ULBP2: variants seen among roughly 807,000 people sequenced by gnomAD.
ULBP2 encodes UL16-binding protein 2.
Under a neutral mutation model 23.6 loss-of-function variants are expected in ULBP2, and 21 were observed. That is an observed-to-expected ratio of 0.89 (90% CI 0.63 to 1.28). The LOEUF (loss-of-function observed/expected upper bound fraction) is 1.28, where lower values mean the gene tolerates loss of function less well. Ranked by LOEUF, ULBP2 falls within the 50% of genes most tolerant of loss-of-function variation. The pLI is 0.00. For missense variants in ULBP2, 251 were observed against 306.0 expected, an observed-to-expected ratio of 0.82 and a Z score of 1.34; for synonymous variants, 82 against 112.8, an observed-to-expected ratio of 0.73 and a Z score of 1.73.
intron 1 of ULBP2, among the ~76,000 whole-genome samples, chr6:149,944,178 T>C (rs1194605235): frequency 6.6e-6 from 1 of 152,120 alleles, no homozygotes; most frequent in African/African-American, 2.4e-5. Context: ...GGCTTCATTC[T>C]GCAAATTAGG....
At chr6:149,948,283 G>A (rs1184917186) in intron 4 of ULBP2, among the ~76,000 whole-genome samples, 2 of 152,174 alleles carry the variant, frequency 1.3e-5, no homozygotes, top group South Asian at 2.1e-4. Context: ...AGAGCAATGG[G>A]TGCTGCTCCC....
chr6:149,946,451 C>T lies in ULBP2; in HGVS notation c.429C>T (p.Phe143=), dbSNP rs780818906. The T allele has an allele frequency of 4.0e-5, 64 of 1,614,116 alleles. No homozygotes were observed. The highest frequency in any genetic ancestry group is 1.8e-4 in the Admixed American group (11 of 60,018). ...GHSSGSWQFS[F]DGQIFLLFDS... ...GCAGTGGATCTTGGCAGTTCAGTTT[C>T]GATGGGCAGATCTTCCTCCTCTTTG... Residue 143 remains phenylalanine, a synonymous_variant, in exon 3 of 5, where the codon TTC becomes TTT. Transcript: ENST00000367351.
At position 149,948,679 on chromosome 6, in the gene ULBP2, C is replaced by A. The variant is rs534290029; in HGVS notation, c.*23-44C>A. On this transcript the variant is annotated intron_variant, in intron 4 of 4. Coordinates refer to ENST00000367351, the MANE Select transcript of ULBP2 (RefSeq NM_025217.4). The stretch of plus-strand genomic sequence containing the variant: ...GAAAGATTACCCTGGAAAAGTGATC[C>A]GGGTTCTCTGCCCCTTAAACCAACA... 2.0e-4 allele frequency: 93 copies of A among 456,544 alleles called. 2 individuals are homozygous for A. The highest frequency in any genetic ancestry group is 1.4e-3 in the South Asian group (92 of 64,568). 28.3% of individuals were successfully genotyped at this position (456,544 alleles called of 1,614,324 possible).
At chr6:149,943,900 T>G (rs941378973) in intron 1 of ULBP2, among the ~76,000 whole-genome samples, 18 of 151,980 alleles carry the variant, frequency 1.2e-4, no homozygotes, top group Admixed American at 9.2e-4. Context: ...ATTGGGCACT[T>G]AAGGTAGGTC....
In ULBP2 at chr6:149,948,774, C is replaced by T; in HGVS notation, c.*74C>T. 2.2e-6 allele frequency: 1 copy of T among 456,754 alleles called. No individual in the cohort carries two copies. Among genetic ancestry groups the T allele is most frequent in the Non-Finnish European group, 4.4e-6 (1 of 226,976 alleles). The allele number at this position is 456,754 out of a possible 1,614,324, so 28.3% of individuals were successfully genotyped here. A position where few individuals can be genotyped will look rare whatever the true frequency, so the allele number is the denominator to read the frequency against. On this transcript the variant is annotated 3_prime_UTR_variant, in exon 5 of 5. Transcript: ENST00000367351. The stretch of plus-strand genomic sequence containing the variant: ...GTGAGCACGGTCTTGATCAAACTCG[C>T]CCTTCTGTCTGGCCAGCTGCCCACG...
chr6:149,948,462 G>A (rs543338859), intron 4 of ULBP2, among the ~76,000 whole-genome samples: 3 of 152,060 alleles, frequency 2.0e-5, no homozygotes, highest in African/African-American at 4.8e-5. Context: ...GTGAGGGCGC[G>A]GACCCATCAC....
chr6:149,943,657 C>A (rs1165678305), intron 1 of ULBP2, among the ~76,000 whole-genome samples: 1 of 152,200 alleles, frequency 6.6e-6, no homozygotes, highest in Non-Finnish European at 1.5e-5. Flanking sequence ...ATAGGCATCC[C>A]TAAGCTTCAT....
chr6:149,948,293 C>T (rs1778973867), intron 4 of ULBP2, among the ~76,000 whole-genome samples: 1 of 152,150 alleles, frequency 6.6e-6, no homozygotes, highest in South Asian at 2.1e-4. Flanking sequence ...GTGCTGCTCC[C>T]AGTGTGAGGA....
At chr6:149,946,772 C>T in intron 3 of ULBP2, 119 bp downstream of exon 3, 2 of 1,520,038 alleles carry the variant, frequency 1.3e-6, no homozygotes, top group East Asian at 2.3e-5. Context: ...AAAATGACCT[C>T]CTCGTGGGGC....
Position 149,946,593 on chromosome 6 carries a change from A to G in ULBP2, c.571A>G (p.Ile191Val). The change falls in exon 3 of 5, where the codon ATA becomes GTA. Residue 191 changes from isoleucine to valine, a missense_variant. Transcript: ENST00000367351. ...SFHYFSMGDC[I>V]GWLEDFLMGM... ...CCATTACTTCTCAATGGGAGACTGT[A>G]TAGGATGGCTTGAGGACTTCTTGAT... 1.2e-6 allele frequency: 2 copies of G among 1,614,194 alleles called. No homozygotes were observed. Among genetic ancestry groups the G allele is most frequent in the Non-Finnish European group, 1.7e-6 (2 of 1,180,028 alleles).
In ULBP2 at chr6:149,948,986, A is replaced by G. The variant is rs1320272820; in HGVS notation, c.*286A>G. On this transcript the variant is annotated 3_prime_UTR_variant, in exon 5 of 5. Coordinates refer to ENST00000367351, the MANE Select transcript of ULBP2 (RefSeq NM_025217.4). ...TTAAAGTTCTGGCTGACTAAACAAG[A>G]TATATCATTTTCTTTCTTCTCTTTT... The G allele has an allele frequency of 1.3e-5, 3 of 239,952 alleles. No homozygotes were observed. Among genetic ancestry groups the G allele is most frequent in the East Asian group, 1.2e-4 (1 of 8,036 alleles). The allele number at this position is 239,952 out of a possible 1,614,324, so 14.9% of individuals were successfully genotyped here.
At chr6:149,948,222 C>T (rs935739297) in intron 4 of ULBP2, among the ~76,000 whole-genome samples, 4 of 152,050 alleles carry the variant, frequency 2.6e-5, no homozygotes, top group Non-Finnish European at 5.9e-5. Context: ...TCCACAGGCA[C>T]CACTGGGCTG....
At chr6:149,945,940 C>CAAA (rs57354290) in intron 2 of ULBP2, among the ~76,000 whole-genome samples, 1,328 of 72,610 alleles carry the variant, frequency 0.018, 53 homozygotes, top group Admixed American at 0.045. Flanking sequence ...GACTTTGTCT[C>CAAA]AAAAAAAAAA....
chr6:149,945,138 G>A (rs1778915133), intron 1 of ULBP2, among the ~76,000 whole-genome samples, 171 bp from the exon 2 acceptor site: 1 of 150,992 alleles, frequency 6.6e-6, no homozygotes, highest in Non-Finnish European at 1.5e-5. Flanking sequence ...TTGTCCTCAT[G>A]CAAGGGGCGA....
At position 149,949,045 on chromosome 6, in the gene ULBP2, A is replaced by C. The variant is rs940623451; in HGVS notation, c.*345A>C. 5.3e-6 allele frequency: 1 copy of C among 189,140 alleles called. No homozygotes were observed. Among genetic ancestry groups the C allele is most frequent in the African/African-American group, 2.4e-5 (1 of 42,046 alleles). The allele number at this position is 189,140 out of a possible 1,614,324, so 11.7% of individuals were successfully genotyped here. ...AAATCAAGTACTTCTTTGAATGATG[A>C]TCTCTTTCTTGCAAATGATATTGTC... On this transcript the variant is annotated 3_prime_UTR_variant, in exon 5 of 5. Transcript: ENST00000367351.
chr6:149,945,718 C>T (rs150667100), intron 2 of ULBP2, 146 bp downstream of exon 2: 21 of 1,494,516 alleles, frequency 1.4e-5, no homozygotes, highest in Middle Eastern at 3.5e-4. Context: ...AGAGGTGGGC[C>T]GATCACAAGG....
chr6:149,948,404 C>A (rs1286594864), intron 4 of ULBP2, among the ~76,000 whole-genome samples: 1 of 152,178 alleles, frequency 6.6e-6, no homozygotes, highest in Non-Finnish European at 1.5e-5. Flanking sequence ...TCTGCCCCAC[C>A]CCTTGCCTGT....
At chr6:149,946,222 A>T in intron 2 of ULBP2, 150 bp from the exon 3 acceptor site, 1 of 1,010,388 alleles carries the variant, frequency 9.9e-7, no homozygotes, top group Non-Finnish European at 1.4e-6. Flanking sequence ...AAAAAAAAAA[A>T]TACAAATGGG....
rs182303265 is a variant in ULBP2 at position 149,943,461 on chromosome 6, G to T, written c.85+1304G>T. Among the ~76,000 whole-genome samples, 17 of 152,204 alleles carry T rather than the reference G, an allele frequency of 1.1e-4. No homozygotes were observed. The East Asian group carries it at 1.6e-3, about 14-fold the overall frequency. On this transcript the variant is annotated intron_variant, in intron 1 of 4. Coordinates refer to ENST00000367351, the MANE Select transcript of ULBP2 (RefSeq NM_025217.4). Reference sequence around the variant, plus strand: ...GCCTCAGGTGTGAGCTGAGGGTGAGGGGGTGCAGCCACGTGGTGTCCTGGG... The same window carrying T: ...GCCTCAGGTGTGAGCTGAGGGTGAGTGGGTGCAGCCACGTGGTGTCCTGGG...
Sources: allele counts gnomAD v4.1 joint callset (sites outside exome capture counted in the v4.1 genomes callset), GRCh38; gene constraint gnomAD v4.1.1; transcripts MANE v1.5; gene names NCBI Gene and HGNC (gene_info 2026-07-23, HGNC 2026-07-21).